The following WWOX variants were observed in gnomAD, a reference collection of about 807,000 sequenced individuals.
The protein encoded by WWOX is WW domain-containing oxidoreductase.
In WWOX, 69 loss-of-function variants were observed where a neutral mutation model predicts 46.2. That is an observed-to-expected ratio of 1.49 (90% CI 1.23 to 1.82). WWOX has a LOEUF of 1.82. WWOX is among the 40% of genes most tolerant of loss of function. The probability of loss-of-function intolerance (pLI) is 0.00; values close to 1 mark genes in which losing one functional copy is unlikely to be tolerated. For missense variants in WWOX, 919 were observed against 542.6 expected (o/e 1.69, Z -6.89); for synonymous variants, 359 against 202.6 (o/e 1.77, Z -6.56).
At chr16:79,114,017 C>G (rs1023983123) in intron 8 of WWOX, among the ~76,000 whole-genome samples, 2 of 152,178 alleles carry the variant, frequency 1.3e-5, no homozygotes, top group African/African-American at 4.8e-5. Flanking sequence ...TCCTGTTTGA[C>G]TTCCTGACAG....
At chr16:78,141,195 A>G (rs780115406) in intron 4 of WWOX, among the ~76,000 whole-genome samples, 9 of 152,172 alleles carry the variant, frequency 5.9e-5, no homozygotes, top group Non-Finnish European at 1.3e-4. Flanking sequence ...CTTAGTGAGG[A>G]TGTTGCAGAG....
At chr16:78,998,485 A>C (rs2047033006) in intron 8 of WWOX, among the ~76,000 whole-genome samples, 1 of 152,212 alleles carries the variant, frequency 6.6e-6, no homozygotes, top group Admixed American at 6.5e-5. Flanking sequence ...ACTAAGAGAA[A>C]TAGAAACAGA....
chr16:78,418,649 A>T (rs1004445893), intron 6 of WWOX, among the ~76,000 whole-genome samples: 8 of 152,224 alleles, frequency 5.3e-5, no homozygotes, highest in Admixed American at 4.6e-4. Flanking sequence ...GGTTGGTTTT[A>T]TATTAAAAAA....
chr16:78,413,469 C>T (rs2082727767), intron 6 of WWOX, among the ~76,000 whole-genome samples: 1 of 152,090 alleles, frequency 6.6e-6, no homozygotes, highest in Non-Finnish European at 1.5e-5. Context: ...GTGGATCTCA[C>T]AAAGTACATT....
intron 8 of WWOX, among the ~76,000 whole-genome samples, chr16:78,983,077 G>T (rs190759535): frequency 1.3e-5 from 2 of 152,158 alleles, no homozygotes; most frequent in Non-Finnish European, 2.9e-5. Flanking sequence ...TCTTGTGGAA[G>T]TGGGCTTGTG....
At chr16:79,198,522 C>G (rs1166097509) in intron 8 of WWOX, among the ~76,000 whole-genome samples, 2 of 152,180 alleles carry the variant, frequency 1.3e-5, no homozygotes, top group African/African-American at 4.8e-5. Context: ...ACCTAAGAGT[C>G]TCAGGTGCCC....
chr16:78,190,222 C>G (rs148588033), intron 5 of WWOX, among the ~76,000 whole-genome samples: 1 of 152,276 alleles, frequency 6.6e-6, no homozygotes, highest in East Asian at 1.9e-4. Flanking sequence ...GGGGCAATCT[C>G]TTATCTGAAG....
In WWOX at chr16:78,734,695, A is replaced by G. The variant is rs117616786; in HGVS notation, c.1056+301943A>G. On this transcript the variant is annotated intron_variant, in intron 8 of 8. Coordinates refer to ENST00000566780, the MANE Select transcript of WWOX (RefSeq NM_016373.4). The stretch of plus-strand genomic sequence containing the variant: ...GAGTGTGTTTCTGGGTGAGGTGAAC[A>G]TTTAAATCAGTCACCTGATTACAGC... Among the ~76,000 whole-genome samples, 116 of 152,076 alleles carry G rather than the reference A, an allele frequency of 7.6e-4. 2 individuals are homozygous for G. In the East Asian group the frequency reaches 0.021, roughly 28 times the overall value.
intron 8 of WWOX, chr16:79,203,503 T>A (rs1363395039): frequency 6.6e-6 from 1 of 151,908 alleles, no homozygotes; most frequent in Non-Finnish European, 1.5e-5. Context: ...GTGTTTTTTT[T>A]TTTTTTTTTC....
At chr16:79,118,414 T>A (rs563191007) in intron 8 of WWOX, among the ~76,000 whole-genome samples, 1 of 152,184 alleles carries the variant, frequency 6.6e-6, no homozygotes, top group Non-Finnish European at 1.5e-5. Context: ...AAAACTGATA[T>A]AATAATAATT....
chr16:78,636,957 C>T (rs187027678), intron 8 of WWOX, among the ~76,000 whole-genome samples: 12 of 152,292 alleles, frequency 7.9e-5, no homozygotes, highest in East Asian at 1.9e-4. Context: ...GTGGTTTGGA[C>T]GCGTTCCCCT....
At chr16:78,171,134 C>A (rs74487800) in intron 5 of WWOX, among the ~76,000 whole-genome samples, 1 of 152,080 alleles carries the variant, frequency 6.6e-6, no homozygotes, top group African/African-American at 2.4e-5. Context: ...CTCATGGGCT[C>A]AACATTTTGC....
intron 8 of WWOX, among the ~76,000 whole-genome samples, chr16:78,767,714 C>T (rs1409228101): frequency 6.6e-6 from 1 of 152,134 alleles, no homozygotes; most frequent in Non-Finnish European, 1.5e-5. Context: ...AGTTGCTCCA[C>T]ATCTACCCAA....
intron 3 of WWOX, among the ~76,000 whole-genome samples, chr16:78,110,396 G>A (rs970168332): frequency 6.7e-6 from 1 of 149,592 alleles, no homozygotes; most frequent in Non-Finnish European, 1.5e-5. Flanking sequence ...TTAGTAACCT[G>A]CTTTTTCCAT....
chr16:78,221,491 G>A (rs2036887306), intron 5 of WWOX, among the ~76,000 whole-genome samples: 6 of 152,160 alleles, frequency 3.9e-5, no homozygotes. Flanking sequence ...TGTGGGTAGA[G>A]ACATGGATAT....
intron 8 of WWOX, among the ~76,000 whole-genome samples, chr16:78,559,187 C>G (rs1469256164): frequency 6.6e-6 from 1 of 152,194 alleles, no homozygotes; most frequent in Non-Finnish European, 1.5e-5. Flanking sequence ...CTTACCCTGA[C>G]AGTCACAGAA....
chr16:78,936,676 C>T lies in WWOX; in HGVS notation c.1057-274932C>T, dbSNP rs943575953. 3.3e-5 allele frequency among the ~76,000 whole-genome samples: 5 copies of T among 151,954 alleles called. No homozygotes were observed. In the South Asian group the frequency reaches 8.3e-4, roughly 25 times the overall value. On this transcript the variant is annotated intron_variant, in intron 8 of 8. Transcript: ENST00000566780. ...TTTTTCCTCTTGGTTTGGAAAGCAA[C>T]GTACCCTAGGTAAGGAGAGATTTCT...
At chr16:78,932,638 C>G (rs1313802748) in intron 8 of WWOX, among the ~76,000 whole-genome samples, 1 of 152,214 alleles carries the variant, frequency 6.6e-6, no homozygotes, top group Admixed American at 6.5e-5. Flanking sequence ...AAAGAGAAGC[C>G]TGCAGCTGCG....
chr16:78,875,295 A>G lies in WWOX; in HGVS notation c.1057-336313A>G, dbSNP rs533845668. On this transcript the variant is annotated intron_variant, in intron 8 of 8. Transcript: ENST00000566780. ...ATCAAGTAATAGGTTTCTGTTAAAA[A>G]CCCCAGTGTGCTGATCTCAGTGGCA... 1.5e-3 allele frequency among the ~76,000 whole-genome samples: 222 copies of G among 150,654 alleles called. 1 individual carries two copies. The highest frequency in any genetic ancestry group is 5.3e-3 in the African/African-American group (216 of 41,040).
Sources: allele counts gnomAD v4.1 joint callset (sites outside exome capture counted in the v4.1 genomes callset), GRCh38; gene constraint gnomAD v4.1.1; transcripts MANE v1.5; gene names NCBI Gene and HGNC (gene_info 2026-07-23, HGNC 2026-07-21).